Variants in MAML3 observed in about 807,000 individuals in gnomAD.
MAML3 encodes the protein mastermind-like protein 3.
MAML3 carries 27 observed loss-of-function variants against 101.9 expected under a neutral mutation model. The observed-to-expected ratio is 0.27, with a 90% CI of 0.20 to 0.37. MAML3 has a LOEUF of 0.37. MAML3 is among the 10% of genes least tolerant of loss of function. MAML3 has a pLI of 1.00. For missense variants in MAML3, 1,316 were observed against 1,444.9 expected, an observed-to-expected ratio of 0.91 and a Z score of 1.45; for synonymous variants, 501 against 555.9, an observed-to-expected ratio of 0.90 and a Z score of 1.39.
In MAML3 at chr4:139,960,571, A is replaced by G. The variant is rs113047806; in HGVS notation, c.469-69604T>C. On this transcript the variant is annotated intron_variant, in intron 1 of 4. Transcript: ENST00000509479. ...AGGGCAGCCACAGAGGCAAGTTTAA[A>G]ATTAGGACAAACTTCTCTTTGGGTC... 7.8e-3 allele frequency among the ~76,000 whole-genome samples: 1,185 copies of G among 152,280 alleles called. 13 individuals carry two copies. Among genetic ancestry groups the G allele is most frequent in the African/African-American group, 0.027 (1,107 of 41,546 alleles).
At chr4:140,013,224 C>T (rs555239431) in intron 1 of MAML3, among the ~76,000 whole-genome samples, 25 of 152,254 alleles carry the variant, frequency 1.6e-4, no homozygotes, top group African/African-American at 5.5e-4. Context: ...ATCAGGGGCA[C>T]GCACGCATCT....
chr4:140,132,749 T>C (rs1024245927), intron 1 of MAML3, among the ~76,000 whole-genome samples: 1 of 152,226 alleles, frequency 6.6e-6, no homozygotes, highest in African/African-American at 2.4e-5. Context: ...ATTCAAAGAT[T>C]ACTAGGTACA....
rs1199161462 is a variant in MAML3, at chr4:140,091,545, AAAC to A, written c.468+61312_468+61314del. Among the ~76,000 whole-genome samples, 220 of 143,740 alleles carry A rather than the reference AAAC, an allele frequency of 1.5e-3. 10 individuals carry two copies. Among genetic ancestry groups the A allele is most frequent in the Admixed American group, 2.2e-3 (32 of 14,646 alleles). The allele number at this position is 143,740 out of a possible 152,430, so 94.3% of individuals were successfully genotyped here. On this transcript the variant is annotated intron_variant, in intron 1 of 4. Coordinates refer to ENST00000509479, the MANE Select transcript of MAML3 (RefSeq NM_018717.5). ...AAAACAAAACAACAAAACAAAAACAAAACAAAAAAAAAAAACAGGACCAAGGAC... is the reference window on the plus strand; with the variant it reads ...AAAACAAAACAACAAAACAAAAACAAAAAAAAAAAAAACAGGACCAAGGAC...
chr4:139,906,424 G>C (rs188727683), intron 1 of MAML3, among the ~76,000 whole-genome samples: 2 of 152,190 alleles, frequency 1.3e-5, no homozygotes, highest in East Asian at 3.9e-4. Flanking sequence ...GTAAGTGTTT[G>C]TTCCCTGCAG....
chr4:139,826,672 G>C (rs1731066121), intron 2 of MAML3, among the ~76,000 whole-genome samples: 1 of 152,144 alleles, frequency 6.6e-6, no homozygotes, highest in Admixed American at 6.5e-5. Flanking sequence ...TTGCCTGCTA[G>C]GGAACCAGCA....
At chr4:139,756,487 T>C (rs1359087830) in intron 2 of MAML3, among the ~76,000 whole-genome samples, 4 of 152,196 alleles carry the variant, frequency 2.6e-5, no homozygotes, top group African/African-American at 4.8e-5. Flanking sequence ...GAATTATACC[T>C]GAGAGTCAAG....
intron 1 of MAML3, among the ~76,000 whole-genome samples, chr4:140,053,443 G>GGATCT (rs1727302728): frequency 6.6e-6 from 1 of 152,158 alleles, no homozygotes; most frequent in African/African-American, 2.4e-5. Context: ...TATTACTGCA[G>GGATCT]GGGCCACATT....
intron 1 of MAML3, among the ~76,000 whole-genome samples, chr4:140,144,898 C>T (rs1287974846): frequency 6.6e-6 from 1 of 152,202 alleles, no homozygotes; most frequent in African/African-American, 2.4e-5. Context: ...CTAGTTCAAG[C>T]CCTTTACTGG....
chr4:139,883,824 T>A (rs1258039347), intron 2 of MAML3, among the ~76,000 whole-genome samples: 2 of 150,342 alleles, frequency 1.3e-5, no homozygotes. Context: ...AATATATACA[T>A]CAAGGAAACT....
intron 1 of MAML3, among the ~76,000 whole-genome samples, chr4:140,121,383 T>C (rs941412876): frequency 6.6e-6 from 1 of 152,254 alleles, no homozygotes; most frequent in Non-Finnish European, 1.5e-5. Context: ...CTTCCCTTGA[T>C]TCTAATAGTA....
At position 140,152,926 on chromosome 4, in the gene MAML3, G is replaced by A. The variant is rs754835545; in HGVS notation, c.402C>T (p.His134=). The change falls in exon 1 of 5, where the codon CAC becomes CAT. Residue 134 remains histidine, a synonymous_variant. Transcript: ENST00000509479. ...KSGAGTGKQQ[H]PSKPQQDAEA... ...CCGCATCTTGCTGGGGTTTGCTCGG[G>A]TGCTGCTGTTTGCCGGTGCCGGCGC... 1.2e-6 allele frequency: 2 copies of A among 1,612,844 alleles called. No homozygotes were observed. Among genetic ancestry groups the A allele is most frequent in the Non-Finnish European group, 1.7e-6 (2 of 1,179,704 alleles).
intron 1 of MAML3, among the ~76,000 whole-genome samples, chr4:140,097,497 C>T (rs932526770): frequency 3.3e-5 from 5 of 151,736 alleles, no homozygotes; most frequent in African/African-American, 1.2e-4. Flanking sequence ...ATGAGAGCTA[C>T]CTGGTTATTT....
intron 1 of MAML3, among the ~76,000 whole-genome samples, chr4:140,116,083 T>A (rs954725129): frequency 1.1e-4 from 16 of 152,206 alleles, no homozygotes; most frequent in Non-Finnish European, 2.9e-5. Context: ...TTCCCTTTTT[T>A]AAAAAAGATT....
chr4:139,802,160 A>T (rs556858292), intron 2 of MAML3, among the ~76,000 whole-genome samples: 1 of 152,294 alleles, frequency 6.6e-6, no homozygotes, highest in East Asian at 1.9e-4. Context: ...AGTTTCTTAC[A>T]GAATGGGGTA....
chr4:139,999,958 C>T (rs1329764526), intron 1 of MAML3, among the ~76,000 whole-genome samples: 1 of 152,174 alleles, frequency 6.6e-6, no homozygotes, highest in East Asian at 1.9e-4. Flanking sequence ...TATGATATTT[C>T]TGCCCACTAT....
chr4:140,142,294 C>A (rs1560906726), intron 1 of MAML3, among the ~76,000 whole-genome samples: 2 of 152,052 alleles, frequency 1.3e-5, no homozygotes, highest in East Asian at 3.8e-4. Flanking sequence ...GAAAGAGATT[C>A]CAGACTGTAG....
chr4:140,064,540 G>T (rs187372143), intron 1 of MAML3, among the ~76,000 whole-genome samples: 4 of 152,260 alleles, frequency 2.6e-5, no homozygotes, highest in African/African-American at 9.6e-5. Context: ...CACACTTCAA[G>T]AACGAGTTTT....
intron 2 of MAML3, among the ~76,000 whole-genome samples, chr4:139,734,319 T>A (rs1158483958): frequency 6.6e-6 from 1 of 152,220 alleles, no homozygotes. Flanking sequence ...TGAGCTTTCG[T>A]CATGCGAGAT....
At chr4:140,065,297 T>C (rs538065901) in intron 1 of MAML3, among the ~76,000 whole-genome samples, 123 of 152,120 alleles carry the variant, frequency 8.1e-4, no homozygotes, top group African/African-American at 2.0e-3. Context: ...TTTTTTTTTT[T>C]CCCCGAGAAA....
Sources: allele counts gnomAD v4.1 joint callset (sites outside exome capture counted in the v4.1 genomes callset), GRCh38; gene constraint gnomAD v4.1.1; transcripts MANE v1.5; gene names NCBI Gene and HGNC (gene_info 2026-07-23, HGNC 2026-07-21).